The following FAM135B variants were observed in gnomAD, a reference collection of about 807,000 sequenced individuals.
The protein encoded by FAM135B is protein FAM135B.
A neutral mutation model predicts 127.7 loss-of-function variants in FAM135B; 43 were observed. That is an observed-to-expected ratio of 0.34 (90% CI 0.26 to 0.43). The LOEUF (loss-of-function observed/expected upper bound fraction) is 0.43. Among genes scored for constraint, FAM135B ranks in the 20% least tolerant of loss-of-function variants. FAM135B has a pLI of 1.00. For missense variants in FAM135B, 1,558 were observed against 1,725.6 expected, an observed-to-expected ratio of 0.90 and a Z score of 1.72; for synonymous variants, 670 against 665.1, an observed-to-expected ratio of 1.01 and a Z score of -0.11.
chr8:138,225,268 A>G (rs1819326235), intron 7 of FAM135B, among the ~76,000 whole-genome samples: 1 of 152,130 alleles, frequency 6.6e-6, no homozygotes, highest in South Asian at 2.1e-4. Flanking sequence ...AGATTGAAGA[A>G]CAACAAAATA....
intron 7 of FAM135B, among the ~76,000 whole-genome samples, chr8:138,205,694 C>G (rs1012685419): frequency 6.6e-6 from 1 of 152,128 alleles, no homozygotes; most frequent in African/African-American, 2.4e-5. Context: ...GCAAATATTT[C>G]TCACCAAAAA....
chr8:138,276,349 T>C (rs1325863286), intron 3 of FAM135B, among the ~76,000 whole-genome samples: 1 of 152,172 alleles, frequency 6.6e-6, no homozygotes, highest in Non-Finnish European at 1.5e-5. Context: ...CTCCAGGATG[T>C]GCCAAGGAGC....
At chr8:138,407,857 T>A (rs1833614119) in intron 1 of FAM135B, among the ~76,000 whole-genome samples, 1 of 152,166 alleles carries the variant, frequency 6.6e-6, no homozygotes, top group Non-Finnish European at 1.5e-5. Flanking sequence ...GGCAAGGACT[T>A]CATGTCTAAA....
intron 12 of FAM135B, among the ~76,000 whole-genome samples, chr8:138,166,993 C>A (rs750219504): frequency 6.6e-6 from 1 of 151,998 alleles, no homozygotes; most frequent in Non-Finnish European, 1.5e-5. Flanking sequence ...AAGACACCAT[C>A]CCATCTCAGG....
intron 1 of FAM135B, among the ~76,000 whole-genome samples, chr8:138,455,866 T>A (rs111357120): frequency 2.0e-5 from 3 of 152,264 alleles, no homozygotes; most frequent in African/African-American, 7.2e-5. Flanking sequence ...CTGGATTGGT[T>A]TGGAAGGCCA....
chr8:138,336,402 C>T (rs1213625283), intron 2 of FAM135B, among the ~76,000 whole-genome samples: 2 of 151,974 alleles, frequency 1.3e-5, no homozygotes, highest in African/African-American at 2.4e-5. Flanking sequence ...CAAATAGACG[C>T]AATAAAAAAT....
At chr8:138,421,102 G>A (rs141599032) in intron 1 of FAM135B, among the ~76,000 whole-genome samples, 3,134 of 152,266 alleles carry the variant, frequency 0.021, 116 homozygotes, top group African/African-American at 0.071. Context: ...ATGAGGTCAG[G>A]AGATTGAGAC....
intron 8 of FAM135B, 78 bp from the exon 9 acceptor site, chr8:138,195,385 A>G: frequency 1.4e-6 from 2 of 1,379,504 alleles, no homozygotes; most frequent in Middle Eastern, 1.8e-4. Context: ...TGAAAAAGCA[A>G]AAGTTTCACA....
At chr8:138,343,353 G>A (rs1479257629) in intron 2 of FAM135B, among the ~76,000 whole-genome samples, 1 of 152,146 alleles carries the variant, frequency 6.6e-6, no homozygotes, top group African/African-American at 2.4e-5. Context: ...CCAAACCCAG[G>A]CAAAGACACT....
rs1198121744 is a variant in FAM135B, at chr8:138,242,678, A to G, written c.669+264T>C. 6.6e-6 allele frequency among the ~76,000 whole-genome samples: 1 copy of G among 152,146 alleles called. No homozygotes were observed. The highest frequency in any genetic ancestry group is 1.5e-5 in the Non-Finnish European group (1 of 68,024). ...CAGCACAGCCTCCTGACCTACAGAGAACCATATTCTTCCAAGAGACCACAT... is the reference window on the plus strand; with the variant it reads ...CAGCACAGCCTCCTGACCTACAGAGGACCATATTCTTCCAAGAGACCACAT... On this transcript the variant is annotated intron_variant, in intron 7 of 19. Transcript: ENST00000395297. This position sits in a 1 kb window ranked among gnomAD's most constrained non-coding sequence, Gnocchi z 9.6.
chr8:138,340,308 G>T (rs577420664), intron 2 of FAM135B, among the ~76,000 whole-genome samples: 1 of 152,182 alleles, frequency 6.6e-6, no homozygotes, highest in Non-Finnish European at 1.5e-5. Flanking sequence ...GAAAGAAATA[G>T]AACAGGAAAC....
chr8:138,431,426 A>G (rs567292586), intron 1 of FAM135B, among the ~76,000 whole-genome samples: 2 of 152,328 alleles, frequency 1.3e-5, no homozygotes, highest in East Asian at 3.9e-4. Flanking sequence ...TGCTGATTCA[A>G]ATGGCTTAAA....
At chr8:138,288,348 GAA>G (rs1563860173) in intron 3 of FAM135B, among the ~76,000 whole-genome samples, 1 of 152,146 alleles carries the variant, frequency 6.6e-6, no homozygotes, top group Non-Finnish European at 1.5e-5. Context: ...ATCTACCTGA[GAA>G]AAAGAGAAAA....
At chr8:138,297,878 G>A (rs1459584664) in intron 3 of FAM135B, among the ~76,000 whole-genome samples, 1 of 152,228 alleles carries the variant, frequency 6.6e-6, no homozygotes, top group Non-Finnish European at 1.5e-5. Flanking sequence ...CAGCTGCATG[G>A]CAGGGCCATT....
intron 6 of FAM135B, among the ~76,000 whole-genome samples, chr8:138,247,087 C>T (rs1821346757): frequency 6.6e-6 from 1 of 152,352 alleles, no homozygotes; most frequent in South Asian, 2.1e-4. Context: ...AAATAACCAA[C>T]TTGCTTTTGA....
intron 1 of FAM135B, among the ~76,000 whole-genome samples, chr8:138,477,903 C>A (rs1168782475): frequency 2.6e-5 from 4 of 152,136 alleles, no homozygotes; most frequent in African/African-American, 9.7e-5. Context: ...GAGCAGAGAT[C>A]TCATGGTCAT....
chr8:138,444,595 G>A (rs1835997967), intron 1 of FAM135B, among the ~76,000 whole-genome samples: 1 of 152,126 alleles, frequency 6.6e-6, no homozygotes, highest in African/African-American at 2.4e-5. Context: ...GATGTTCTTT[G>A]AAACCCACGA....
At chr8:138,177,247 T>G (rs1814558581) in intron 11 of FAM135B, 100 bp downstream of exon 11, 1 of 1,130,702 alleles carries the variant, frequency 8.8e-7, no homozygotes, top group Admixed American at 2.0e-5. Context: ...TGGGCAGACT[T>G]CTCTCCTTCA....
intron 14 of FAM135B, among the ~76,000 whole-genome samples, chr8:138,147,867 C>T (rs1260668975): frequency 6.6e-6 from 1 of 152,142 alleles, no homozygotes; most frequent in Non-Finnish European, 1.5e-5. Flanking sequence ...GTGTCATATA[C>T]ATGAGAGGAA....
Sources: gnomAD v4.1 joint callset for allele counts (sites outside exome capture counted in the v4.1 genomes callset) on GRCh38, gnomAD v4.1.1 for gene constraint, Gnocchi (gnomAD v3.1) non-coding constraint, MANE v1.5 for transcripts, NCBI Gene and HGNC (gene_info 2026-07-23, HGNC 2026-07-21) for gene names.